Variants in KCNB2 observed in about 807,000 individuals in gnomAD.
The protein encoded by KCNB2 is potassium voltage-gated channel subfamily B member 2.
In KCNB2, 15 loss-of-function variants were observed where a neutral mutation model predicts 61.5. The ratio of observed to expected loss-of-function variants is 0.24; its 90% CI spans 0.16 to 0.38. The LOEUF is 0.38. Ranked by LOEUF, KCNB2 falls within the 10% of genes least tolerant of loss-of-function variation. KCNB2 has a pLI of 1.00. For synonymous variants in KCNB2, 457 were observed against 446.0 expected, an observed-to-expected ratio of 1.02 and a Z score of -0.31; for missense variants, 828 against 1,125.2, an observed-to-expected ratio of 0.74 and a Z score of 3.78.
chr8:72,862,291 TTTAA>T (rs1259732332), intron 2 of KCNB2, among the ~76,000 whole-genome samples: 1 of 152,232 alleles, frequency 6.6e-6, no homozygotes, highest in Non-Finnish European at 1.5e-5. Context: ...ATTTAATCTT[TTTAA>T]TTAGTTAAAC....
At chr8:72,622,569 G>A (rs183451228) in intron 2 of KCNB2, among the ~76,000 whole-genome samples, 18 of 152,226 alleles carry the variant, frequency 1.2e-4, no homozygotes, top group Non-Finnish European at 2.4e-4. Context: ...TAATTAATCT[G>A]AATACTTTAG....
At chr8:72,664,113 T>G (rs1806425736) in intron 2 of KCNB2, among the ~76,000 whole-genome samples, 1 of 152,204 alleles carries the variant, frequency 6.6e-6, no homozygotes, top group African/African-American at 2.4e-5. Flanking sequence ...GTGATTCACC[T>G]GGGCTTTCAA....
chr8:72,735,150 A>G (rs935843814), intron 2 of KCNB2, among the ~76,000 whole-genome samples: 32 of 152,300 alleles, frequency 2.1e-4, no homozygotes, highest in African/African-American at 7.7e-4. Flanking sequence ...TTTAAATCAC[A>G]GACTCCCCAA....
intron 2 of KCNB2, among the ~76,000 whole-genome samples, chr8:72,728,205 T>C (rs1391062723): frequency 1.3e-5 from 2 of 152,196 alleles, no homozygotes; most frequent in Non-Finnish European, 2.9e-5. Context: ...GCTCAGTTTT[T>C]AACTTGAGAG....
At chr8:72,849,998 T>G (rs532439348) in intron 2 of KCNB2, among the ~76,000 whole-genome samples, 25 of 152,324 alleles carry the variant, frequency 1.6e-4, no homozygotes, top group African/African-American at 5.5e-4. Flanking sequence ...ATATCTAGTC[T>G]GTCTTTGTAT....
intron 2 of KCNB2, among the ~76,000 whole-genome samples, chr8:72,789,222 A>G (rs1157360337): frequency 1.8e-4 from 28 of 152,196 alleles, no homozygotes; most frequent in Non-Finnish European, 1.5e-5. Flanking sequence ...TATATTCACC[A>G]TCTCATCTAA....
chr8:72,735,121 C>G (rs952519599), intron 2 of KCNB2, among the ~76,000 whole-genome samples: 1 of 152,138 alleles, frequency 6.6e-6, no homozygotes, highest in African/African-American at 2.4e-5. Context: ...ATTATAGTCA[C>G]TTTATACCAA....
At chr8:72,781,760 A>G (rs1017336664) in intron 2 of KCNB2, among the ~76,000 whole-genome samples, 1 of 152,200 alleles carries the variant, frequency 6.6e-6, no homozygotes, top group East Asian at 1.9e-4. Flanking sequence ...TGTCAATGGT[A>G]GCATGGAATA....
intron 2 of KCNB2, among the ~76,000 whole-genome samples, chr8:72,827,001 T>C (rs561196986): frequency 2.0e-5 from 3 of 152,364 alleles, no homozygotes; most frequent in African/African-American, 2.4e-5. Context: ...GTGGTAAACA[T>C]TTCTTTGCTA....
At chr8:72,928,863 T>C (rs747522164) in intron 2 of KCNB2, among the ~76,000 whole-genome samples, 11 of 151,934 alleles carry the variant, frequency 7.2e-5, no homozygotes, top group Non-Finnish European at 7.4e-5. Flanking sequence ...ATGTAAACCA[T>C]TGCTTAAGTG....
chr8:72,695,032 A>G, intron 2 of KCNB2, among the ~76,000 whole-genome samples: 1 of 152,206 alleles, frequency 6.6e-6, no homozygotes, highest in African/African-American at 2.4e-5. Flanking sequence ...TTTAATAATG[A>G]TAAAACTTCA....
intron 2 of KCNB2, among the ~76,000 whole-genome samples, chr8:72,787,609 T>C (rs1275785228): frequency 6.6e-6 from 1 of 152,092 alleles, no homozygotes; most frequent in Admixed American, 6.6e-5. Flanking sequence ...TAAGGACTCT[T>C]TTCACTTTGA....
rs77874320 is a variant in KCNB2, at chr8:72,896,340, T to C, written c.580-39595T>C. On this transcript the variant is annotated intron_variant, in intron 2 of 2. Transcript: ENST00000523207. ...TCCCTCTCTAAATTTTCTCCTTCCT[T>C]TGGGCAAATGCAACATGTACCTTTC... Among the ~76,000 whole-genome samples the C allele has an allele frequency of 1.1e-4, 17 of 152,276 alleles. No homozygotes were observed. In the East Asian group the frequency reaches 3.1e-3, roughly 28 times the overall value.
At chr8:72,716,175 T>G in intron 2 of KCNB2, among the ~76,000 whole-genome samples, 1 of 152,024 alleles carries the variant, frequency 6.6e-6, no homozygotes, top group East Asian at 1.9e-4. Context: ...AATTAATAGC[T>G]TAGCAACCAA....
intron 2 of KCNB2, among the ~76,000 whole-genome samples, chr8:72,820,443 CTCCTCAATCAT>C (rs1339540092): frequency 6.6e-6 from 1 of 152,118 alleles, no homozygotes; most frequent in Non-Finnish European, 1.5e-5. Context: ...TCAGGGTGGC[CTCCTCAATCAT>C]GTTCAGAGTG....
intron 1 of KCNB2, among the ~76,000 whole-genome samples, chr8:72,566,427 C>T (rs1172249653): frequency 2.6e-5 from 4 of 152,006 alleles, no homozygotes; most frequent in South Asian, 2.1e-4. Context: ...GGGCTGGGCA[C>T]GGTGGCTCAT....
chr8:72,547,777 T>C (rs1415042290), intron 1 of KCNB2, among the ~76,000 whole-genome samples: 1 of 152,170 alleles, frequency 6.6e-6, no homozygotes, highest in Non-Finnish European at 1.5e-5. Flanking sequence ...AACAAAGGAT[T>C]TGGAATATTA....
At chr8:72,864,542 A>C (rs16938452) in intron 2 of KCNB2, among the ~76,000 whole-genome samples, 2 of 152,194 alleles carry the variant, frequency 1.3e-5, no homozygotes, top group Admixed American at 6.5e-5. Context: ...ATTAAGGTCA[A>C]CCTACAGTGT....
intron 2 of KCNB2, among the ~76,000 whole-genome samples, chr8:72,851,516 C>G (rs940552388): frequency 6.6e-6 from 1 of 152,114 alleles, no homozygotes; most frequent in African/African-American, 2.4e-5. Context: ...AGCCAGAGCT[C>G]TCCTCCAAAA....
Sources: gnomAD v4.1 joint callset for allele counts (sites outside exome capture counted in the v4.1 genomes callset) on GRCh38, gnomAD v4.1.1 for gene constraint, MANE v1.5 for transcripts, NCBI Gene and HGNC (gene_info 2026-07-23, HGNC 2026-07-21) for gene names.